Variants in ENTREP1 observed in about 807,000 individuals in gnomAD.
ENTREP1 encodes Friedreich ataxia region gene X123.
At chr9:69,327,587 C>T in the ENTREP1 span, among the ~76,000 whole-genome samples, 2 of 150,556 alleles carry the variant, frequency 1.3e-5, no homozygotes, top group African/African-American at 2.4e-5. Context: ...ACTTAGATAT[C>T]GGTCAAGCCA....
the ENTREP1 span, among the ~76,000 whole-genome samples, chr9:69,372,149 C>T: frequency 1.3e-5 from 2 of 152,068 alleles, no homozygotes; most frequent in Non-Finnish European, 2.9e-5. Flanking sequence ...AGGTTGTGGA[C>T]TTGTACCATC....
the ENTREP1 span, among the ~76,000 whole-genome samples, chr9:69,345,492 C>T: frequency 6.6e-6 from 1 of 152,112 alleles, no homozygotes; most frequent in African/African-American, 2.4e-5. Flanking sequence ...ATCCATCTAC[C>T]TATATCTCAA....
chr9:69,354,189 T>C, the ENTREP1 span, among the ~76,000 whole-genome samples: 1 of 152,014 alleles, frequency 6.6e-6, no homozygotes, highest in Non-Finnish European at 1.5e-5. Flanking sequence ...TGCACTTAGC[T>C]GATATGTCTC....
At chr9:69,385,763 CTT>C in the ENTREP1 span, 43,018 of 1,202,202 alleles carry the variant, frequency 0.036, 382 homozygotes, top group African/African-American at 0.14. Flanking sequence ...TGTTTCGCCT[CTT>C]TTTTTTTTTT....
At chr9:69,337,650 G>A in the ENTREP1 span, among the ~76,000 whole-genome samples, 1 of 151,978 alleles carries the variant, frequency 6.6e-6, no homozygotes, top group Non-Finnish European at 1.5e-5. Flanking sequence ...AGTTTTAAAT[G>A]ATAAGTTTAA....
chr9:69,346,695 T>C, the ENTREP1 span, among the ~76,000 whole-genome samples: 1 of 152,238 alleles, frequency 6.6e-6, no homozygotes, highest in African/African-American at 2.4e-5. Flanking sequence ...TGGCATTTAT[T>C]AGATTCTTTA....
chr9:69,339,560 CCCT>C, the ENTREP1 span, among the ~76,000 whole-genome samples: 1 of 152,166 alleles, frequency 6.6e-6, no homozygotes, highest in Non-Finnish European at 1.5e-5. Flanking sequence ...TCCATTTTCC[CCCT>C]CAAGCCCCTC....
the ENTREP1 span, among the ~76,000 whole-genome samples, chr9:69,332,528 A>G: frequency 6.6e-6 from 1 of 152,232 alleles, no homozygotes; most frequent in Non-Finnish European, 1.5e-5. Context: ...TGAGGCCTTA[A>G]AGATCTTTGT....
At chr9:69,388,185 C>A in the ENTREP1 span, 2 of 1,614,190 alleles carry the variant, frequency 1.2e-6, no homozygotes, top group South Asian at 1.1e-5. Flanking sequence ...TGTGAAGCTG[C>A]AACACAGACT....
the ENTREP1 span, chr9:69,336,281 T>C: frequency 6.5e-7 from 1 of 1,548,166 alleles, no homozygotes; most frequent in Non-Finnish European, 8.9e-7. Context: ...TATGTACTGA[T>C]CTTATAAATT....
chr9:69,358,550 G>GA, the ENTREP1 span, among the ~76,000 whole-genome samples: 1 of 151,612 alleles, frequency 6.6e-6, no homozygotes, highest in Non-Finnish European at 1.5e-5. Context: ...ATATGAGGGG[G>GA]AAAAAAAGGG....
At chr9:69,340,657 G>GTGTGTGCA in the ENTREP1 span, among the ~76,000 whole-genome samples, 3 of 114,704 alleles carry the variant, frequency 2.6e-5, no homozygotes, top group East Asian at 2.3e-4. Context: ...GTGTGCATGT[G>GTGTGTGCA]TGTGTGTGCG....
the ENTREP1 span, among the ~76,000 whole-genome samples, chr9:69,364,680 T>A: frequency 6.6e-6 from 1 of 152,184 alleles, no homozygotes; most frequent in African/African-American, 2.4e-5. Flanking sequence ...ATGATCCAAC[T>A]TCTGAAAGAG....
At chr9:69,391,454 T>C in the ENTREP1 span, 1 of 643,758 alleles carries the variant, frequency 1.6e-6, no homozygotes, top group South Asian at 2.0e-5. Flanking sequence ...GAATTCCAAG[T>C]GAGTTCCACT....
At chr9:69,348,443 A>T in the ENTREP1 span, among the ~76,000 whole-genome samples, 2 of 152,074 alleles carry the variant, frequency 1.3e-5, no homozygotes, top group Non-Finnish European at 2.9e-5. Flanking sequence ...CTTTATTGAG[A>T]TGTAGTTGAC....
chr9:69,378,280 T>A, the ENTREP1 span, among the ~76,000 whole-genome samples: 1 of 152,142 alleles, frequency 6.6e-6, no homozygotes, highest in African/African-American at 2.4e-5. Context: ...TTCCTAGCCA[T>A]TAAAAAGAGA....
At chr9:69,324,992 G>A in the ENTREP1 span, 11 of 985,372 alleles carry the variant, frequency 1.1e-5, no homozygotes, top group Admixed American at 3.1e-4. Flanking sequence ...GCCGGCGCAG[G>A]TTCGGCGGGG....
At chr9:69,367,243 T>C in the ENTREP1 span, among the ~76,000 whole-genome samples, 11 of 151,892 alleles carry the variant, frequency 7.2e-5, no homozygotes, top group East Asian at 2.1e-3. Flanking sequence ...ATATATTTGT[T>C]TTTATAGCAG....
the ENTREP1 span, among the ~76,000 whole-genome samples, chr9:69,338,057 T>C: frequency 1.3e-5 from 2 of 152,204 alleles, no homozygotes; most frequent in African/African-American, 4.8e-5. Context: ...TGAAGTGTTT[T>C]TAGGCCCACA....
Sources: gnomAD v4.1 joint callset for allele counts (sites outside exome capture counted in the v4.1 genomes callset) on GRCh38, gnomAD v4.1.1 for gene constraint, MANE v1.5 for transcripts, NCBI Gene and HGNC (gene_info 2026-07-23, HGNC 2026-07-21) for gene names.